EPHA6: variants seen among roughly 807,000 people sequenced by gnomAD.
The protein encoded by EPHA6 is ephrin type-A receptor 6.
EPHA6 carries 50 observed loss-of-function variants against 112.0 expected under a neutral mutation model. The observed-to-expected ratio is 0.45, with a 90% CI of 0.36 to 0.56. EPHA6 has a LOEUF of 0.56. Ranked by LOEUF, EPHA6 falls within the 20% of genes least tolerant of loss-of-function variation. The pLI is 0.00. For missense variants in EPHA6, 1,280 were observed against 1,417.4 expected, an observed-to-expected ratio of 0.90 and a Z score of 1.56; for synonymous variants, 529 against 490.7, an observed-to-expected ratio of 1.08 and a Z score of -1.03.
At chr3:96,905,181 T>C (rs74520484) in intron 2 of EPHA6, among the ~76,000 whole-genome samples, 2,617 of 152,234 alleles carry the variant, frequency 0.017, 33 homozygotes, top group Non-Finnish European at 0.029. Flanking sequence ...TCAGTGAATA[T>C]ACTTATGCTA....
intron 13 of EPHA6, among the ~76,000 whole-genome samples, chr3:97,615,901 G>A (rs1420602668): frequency 6.6e-6 from 1 of 152,118 alleles, no homozygotes; most frequent in Non-Finnish European, 1.5e-5. Flanking sequence ...ACAGCTTCCG[G>A]GCTTTGGAGA....
intron 14 of EPHA6, among the ~76,000 whole-genome samples, chr3:97,679,876 G>A (rs2031720556): frequency 6.6e-6 from 1 of 152,132 alleles, no homozygotes; most frequent in African/African-American, 2.4e-5. Context: ...GAAGAAACCT[G>A]TTTAACCCTT....
intron 1 of EPHA6, among the ~76,000 whole-genome samples, chr3:96,820,545 A>G (rs1477598006): frequency 1.3e-5 from 2 of 152,112 alleles, no homozygotes; most frequent in Non-Finnish European, 2.9e-5. Context: ...AGCCCAGATT[A>G]ATTTTTCATT....
intron 4 of EPHA6, among the ~76,000 whole-genome samples, chr3:97,231,895 G>A (rs1029112568): frequency 1.3e-5 from 2 of 152,086 alleles, no homozygotes; most frequent in African/African-American, 2.4e-5. Flanking sequence ...TCCTAGGGAA[G>A]GGCTTTTAAG....
At chr3:96,927,727 C>T (rs1182969004) in intron 2 of EPHA6, among the ~76,000 whole-genome samples, 1 of 152,178 alleles carries the variant, frequency 6.6e-6, no homozygotes, top group Non-Finnish European at 1.5e-5. Context: ...CAAATTTTCC[C>T]TCATCTCCCT....
At chr3:97,004,766 G>A (rs1214952791) in intron 3 of EPHA6, among the ~76,000 whole-genome samples, 4 of 152,046 alleles carry the variant, frequency 2.6e-5, no homozygotes, top group African/African-American at 7.2e-5. Flanking sequence ...GGGTTTTTAT[G>A]GTTTTTGGTT....
chr3:97,509,766 T>A (rs2092330406), intron 10 of EPHA6, among the ~76,000 whole-genome samples: 1 of 152,204 alleles, frequency 6.6e-6, no homozygotes, highest in South Asian at 2.1e-4. Context: ...TCCTGGATAA[T>A]ATCCTGAAGA....
intron 14 of EPHA6, among the ~76,000 whole-genome samples, chr3:97,707,134 A>G (rs765034508): frequency 2.0e-5 from 3 of 152,210 alleles, no homozygotes; most frequent in Non-Finnish European, 4.4e-5. Context: ...AAAGGAACTG[A>G]AAGTCAAAAT....
At chr3:97,012,149 T>C (rs1353584462) in intron 3 of EPHA6, among the ~76,000 whole-genome samples, 2 of 152,158 alleles carry the variant, frequency 1.3e-5, no homozygotes, top group Non-Finnish European at 1.5e-5. Context: ...GTAGAGTGAT[T>C]GATTTAAAAA....
chr3:97,548,427 A>G (rs983794972), intron 11 of EPHA6, among the ~76,000 whole-genome samples: 1 of 152,302 alleles, frequency 6.6e-6, no homozygotes, highest in African/African-American at 2.4e-5. Context: ...TAAAAAATAT[A>G]TATTTTGGGG....
intron 2 of EPHA6, among the ~76,000 whole-genome samples, chr3:96,878,962 A>C (rs547878777): frequency 6.6e-6 from 1 of 152,152 alleles, no homozygotes; most frequent in African/African-American, 2.4e-5. Context: ...AAACTGAATA[A>C]ATTGATTATT....
intron 12 of EPHA6, among the ~76,000 whole-genome samples, chr3:97,594,321 G>T (rs2093569208): frequency 6.6e-6 from 1 of 152,188 alleles, no homozygotes; most frequent in East Asian, 1.9e-4. Context: ...ACTTTCCAGA[G>T]AGGGATCTAA....
At chr3:97,240,648 G>A (rs2078818618) in intron 4 of EPHA6, among the ~76,000 whole-genome samples, 1 of 151,748 alleles carries the variant, frequency 6.6e-6, no homozygotes, top group Non-Finnish European at 1.5e-5. Context: ...TGTACTGGTT[G>A]ATGCGACAAC....
At chr3:96,917,456 T>C (rs2039544230) in intron 2 of EPHA6, among the ~76,000 whole-genome samples, 1 of 150,092 alleles carries the variant, frequency 6.7e-6, no homozygotes, top group Non-Finnish European at 1.5e-5. Context: ...TTTTTCATTA[T>C]AGTTTTTATT....
chr3:97,415,490 C>A (rs1048531240), intron 6 of EPHA6, among the ~76,000 whole-genome samples: 1 of 151,968 alleles, frequency 6.6e-6, no homozygotes, highest in Non-Finnish European at 1.5e-5. Flanking sequence ...GAGAATATCC[C>A]AGGCAAGATA....
chr3:97,604,332 A>T lies in EPHA6; in HGVS notation c.2513-6461A>T, dbSNP rs188417669. Among the ~76,000 whole-genome samples, 132 of 151,806 alleles carry T rather than the reference A, an allele frequency of 8.7e-4. 2 individuals carry two copies. Among genetic ancestry groups the T allele is most frequent in the Admixed American group, 8.2e-3 (124 of 15,198 alleles). On this transcript the variant is annotated intron_variant, in intron 12 of 17. Transcript: ENST00000389672. Reference sequence around the variant, plus strand: ...TGCTGGGTGAGCAAAATATAGAGTAACCAATCATCCTAGTTTGCCTGGGAC... The same window carrying T: ...TGCTGGGTGAGCAAAATATAGAGTATCCAATCATCCTAGTTTGCCTGGGAC...
At position 97,498,015 on chromosome 3, in the gene EPHA6, C is replaced by A. The variant is rs368060202; in HGVS notation, c.2200+13956C>A. Reference sequence around the variant, plus strand: ...TTTACCAGAATGACTGAGGTTAAAACAAACAAACAAACAAAAAAACACAGG... The same window carrying A: ...TTTACCAGAATGACTGAGGTTAAAAAAAACAAACAAACAAAAAAACACAGG... On this transcript the variant is annotated intron_variant, in intron 10 of 17. Coordinates refer to ENST00000389672, the MANE Select transcript of EPHA6 (RefSeq NM_001080448.3). Among the ~76,000 whole-genome samples the A allele has an allele frequency of 4.8e-3, 736 of 151,942 alleles. 6 individuals are homozygous for A. The highest frequency in any genetic ancestry group is 0.016 in the African/African-American group (664 of 41,430).
intron 14 of EPHA6, among the ~76,000 whole-genome samples, chr3:97,669,263 T>C (rs2030524708): frequency 6.6e-6 from 1 of 151,726 alleles, no homozygotes; most frequent in East Asian, 1.9e-4. Flanking sequence ...TCTGTTTTGT[T>C]TTTTTTTTCT....
intron 13 of EPHA6, among the ~76,000 whole-genome samples, chr3:97,620,179 A>G (rs2093802179): frequency 6.6e-6 from 1 of 152,180 alleles, no homozygotes; most frequent in South Asian, 2.1e-4. Flanking sequence ...AGATTTCTTT[A>G]TTCAATAAAG....
Sources: allele counts gnomAD v4.1 joint callset (sites outside exome capture counted in the v4.1 genomes callset), GRCh38; gene constraint gnomAD v4.1.1; transcripts MANE v1.5; gene names NCBI Gene and HGNC (gene_info 2026-07-23, HGNC 2026-07-21).